Variants in ZDHHC14 observed in about 807,000 individuals in gnomAD.
ZDHHC14 encodes the protein palmitoyltransferase ZDHHC14.
ZDHHC14 carries 16 observed loss-of-function variants against 47.7 expected under a neutral mutation model. The observed-to-expected ratio is 0.34, with a 90% CI of 0.23 to 0.51. ZDHHC14 has a LOEUF of 0.51. Ranked by LOEUF, ZDHHC14 falls within the 20% of genes least tolerant of loss-of-function variation. The pLI, the probability that ZDHHC14 is intolerant of heterozygous loss-of-function variation, is 0.97. For missense variants in ZDHHC14, 515 were observed against 662.5 expected (o/e 0.78, Z 2.44); for synonymous variants, 293 against 278.9 (o/e 1.05, Z -0.50).
At chr6:157,447,966 G>T (rs1174912289) in intron 1 of ZDHHC14, among the ~76,000 whole-genome samples, 1 of 152,048 alleles carries the variant, frequency 6.6e-6, no homozygotes, top group Admixed American at 6.5e-5. Flanking sequence ...CAAACTCCTA[G>T]GCTCAAGCGA....
chr6:157,397,703 T>G (rs920614073), intron 1 of ZDHHC14, among the ~76,000 whole-genome samples: 2 of 152,056 alleles, frequency 1.3e-5, no homozygotes, highest in African/African-American at 4.8e-5. Context: ...GATGTGGATG[T>G]TTTTGGGGGA....
At chr6:157,406,804 C>G (rs1307388998) in intron 1 of ZDHHC14, among the ~76,000 whole-genome samples, 1 of 152,176 alleles carries the variant, frequency 6.6e-6, no homozygotes, top group Admixed American at 6.5e-5. Flanking sequence ...AGCCTTGCTT[C>G]CTTTTTCTCC....
chr6:157,594,673 G>A (rs1320701325), intron 3 of ZDHHC14, among the ~76,000 whole-genome samples: 1 of 152,158 alleles, frequency 6.6e-6, no homozygotes, highest in East Asian at 1.9e-4. Context: ...AGATGCAGTG[G>A]CCAAAACTAC....
intron 2 of ZDHHC14, among the ~76,000 whole-genome samples, chr6:157,552,614 G>A (rs897113348): frequency 5.9e-5 from 9 of 152,136 alleles, no homozygotes; most frequent in Non-Finnish European, 1.2e-4. Flanking sequence ...GAGGTGTGGC[G>A]GGACCTGTTT....
intron 5 of ZDHHC14, among the ~76,000 whole-genome samples, chr6:157,636,410 C>T (rs944119990): frequency 3.9e-5 from 6 of 152,052 alleles, no homozygotes; most frequent in African/African-American, 1.2e-4. Context: ...TGTAGACAGA[C>T]ATGTCCTCCC....
intron 4 of ZDHHC14, chr6:157,631,598 C>T (rs1423992000): frequency 6.6e-6 from 1 of 152,128 alleles, no homozygotes; most frequent in African/African-American, 2.4e-5. Context: ...ATCCTGGGCT[C>T]TTAGGGAAAG....
intron 1 of ZDHHC14, among the ~76,000 whole-genome samples, chr6:157,483,745 C>T (rs2114718509): frequency 6.6e-6 from 1 of 152,186 alleles, no homozygotes; most frequent in East Asian, 1.9e-4. Flanking sequence ...TGTATGTGTG[C>T]ACATGGGTAG....
intron 6 of ZDHHC14, among the ~76,000 whole-genome samples, chr6:157,646,612 CA>C (rs5881225): frequency 0.5 from 60,017 of 121,182 alleles, 13,590 homozygotes; most frequent in Admixed American, 0.55. Context: ...CACTCCATCT[CA>C]AAAAAAAAAA....
chr6:157,670,331 TC>T (rs901902400), intron 8 of ZDHHC14, among the ~76,000 whole-genome samples: 4 of 152,188 alleles, frequency 2.6e-5, no homozygotes, highest in African/African-American at 9.7e-5. Context: ...TCTTGCTCTG[TC>T]GCCCAGGCTG....
chr6:157,440,996 AC>A (rs1175430545), intron 1 of ZDHHC14, among the ~76,000 whole-genome samples: 1 of 152,232 alleles, frequency 6.6e-6, no homozygotes, highest in Admixed American at 6.5e-5. Context: ...AGGGAAAAAA[AC>A]AAACGAAAAG....
intron 2 of ZDHHC14, among the ~76,000 whole-genome samples, chr6:157,558,796 G>A (rs1056303296): frequency 2.7e-5 from 4 of 147,794 alleles, no homozygotes; most frequent in African/African-American, 1.0e-4. Flanking sequence ...AAAAAAAAAA[G>A]CAAACAAACA....
intron 1 of ZDHHC14, among the ~76,000 whole-genome samples, chr6:157,510,222 T>C (rs982963639): frequency 6.6e-6 from 1 of 152,094 alleles, no homozygotes; most frequent in African/African-American, 2.4e-5. Flanking sequence ...CCAGCCTGGG[T>C]GACAGAGCGA....
chr6:157,388,388 AT>A (rs770791932), intron 1 of ZDHHC14, among the ~76,000 whole-genome samples: 8 of 151,636 alleles, frequency 5.3e-5, no homozygotes, highest in East Asian at 1.9e-4. Flanking sequence ...TATCCTGGAG[AT>A]TTTTTTTTCT....
At chr6:157,589,584 C>T (rs978785314) in intron 2 of ZDHHC14, among the ~76,000 whole-genome samples, 1 of 152,112 alleles carries the variant, frequency 6.6e-6, no homozygotes, top group African/African-American at 2.4e-5. Context: ...CTCCTTCCTG[C>T]TGCCATGTGA....
chr6:157,513,170 C>T (rs1008749847), intron 1 of ZDHHC14, among the ~76,000 whole-genome samples: 5 of 152,206 alleles, frequency 3.3e-5, no homozygotes, highest in East Asian at 1.9e-4. Flanking sequence ...TTGTTCGTGA[C>T]GTCTCGCTGT....
chr6:157,493,880 T>A (rs1168215433), intron 1 of ZDHHC14, among the ~76,000 whole-genome samples: 1 of 152,174 alleles, frequency 6.6e-6, no homozygotes, highest in Admixed American at 6.5e-5. Flanking sequence ...CCTCTGCCGC[T>A]CCCATGGCAC....
chr6:157,626,952 A>G (rs1366689289), intron 3 of ZDHHC14, among the ~76,000 whole-genome samples: 1 of 151,464 alleles, frequency 6.6e-6, no homozygotes, highest in Admixed American at 6.6e-5. Context: ...GTAGGCTTAT[A>G]CAAATTATTT....
Position 157,381,484 on chromosome 6 carries a change from C to T in ZDHHC14, c.-538C>T. The T allele has an allele frequency of 2.7e-6, 1 of 367,314 alleles. No individual in the cohort carries two copies. Among genetic ancestry groups the T allele is most frequent in the Non-Finnish European group, 5.5e-6 (1 of 181,272 alleles). The allele number at this position is 367,314 out of a possible 1,614,324, so 22.8% of individuals were successfully genotyped here. ...GTTGCCGGTGCCGCGCGCGGCCGCC[C>T]AGTCGCCAGCGCTCTCTCCTGGGAG... On this transcript the variant is annotated 5_prime_UTR_variant, in exon 1 of 9. Transcript: ENST00000359775.
Position 157,673,714 on chromosome 6 carries a change from A to G in ZDHHC14, c.*592A>G, listed in dbSNP as rs192266959. ...CAGTGCAACGAACTGAGACTAATGG[A>G]CAGTGTCATCACTCAGCTTACTGGG... On this transcript the variant is annotated 3_prime_UTR_variant, in exon 9 of 9. Coordinates refer to ENST00000359775, the MANE Select transcript of ZDHHC14 (RefSeq NM_024630.3). This position sits in a 1 kb window ranked among gnomAD's most constrained non-coding sequence, Gnocchi z 5.4. 2.2e-4 allele frequency: 33 copies of G among 152,848 alleles called. No individual in the cohort carries two copies. The highest frequency in any genetic ancestry group is 2.9e-5 in the Non-Finnish European group (2 of 68,148). The allele number at this position is 152,848 out of a possible 1,614,324, so 9.5% of individuals were successfully genotyped here.
Sources: allele counts gnomAD v4.1 joint callset (sites outside exome capture counted in the v4.1 genomes callset), GRCh38; gene constraint gnomAD v4.1.1; non-coding constraint Gnocchi (gnomAD v3.1); transcripts MANE v1.5; gene names NCBI Gene and HGNC (gene_info 2026-07-23, HGNC 2026-07-21).